Variants in NUP205 observed in about 807,000 individuals in gnomAD.
NUP205 encodes nuclear pore complex protein Nup205.
In NUP205, 76 loss-of-function variants were observed where a neutral mutation model predicts 253.8. The ratio of observed to expected loss-of-function variants is 0.30; its 90% confidence interval spans 0.25 to 0.36. The LOEUF is 0.36. Among genes scored for constraint, NUP205 ranks in the 10% least tolerant of loss-of-function variants. The pLI, the probability that NUP205 is intolerant of heterozygous loss-of-function variation, is 1.00. For synonymous variants in NUP205, 832 were observed against 850.1 expected (o/e 0.98, Z 0.37); for missense variants, 2,162 against 2,425.5 (o/e 0.89, Z 2.28).
intron 7 of NUP205, among the ~76,000 whole-genome samples, chr7:135,579,201 T>TC (rs1287079175): frequency 6.8e-6 from 1 of 147,290 alleles, no homozygotes; most frequent in Non-Finnish European, 1.5e-5. Context: ...ACATTAATTT[T>TC]TTTTTTTTTT....
Position 135,643,337 on chromosome 7 carries a change from TC to T in NUP205, c.5543del (p.Pro1848GlnfsTer4). ...GCAAGCTACAAAATGTAGAGCAGCT[TC>T]CCCCAGATGAGATAAAAGAGGTACG... ...VSKLQNVEQL[P>X]PDEIKELCQS... On this transcript the variant is annotated frameshift_variant, in exon 39 of 43. Transcript: ENST00000285968. LOFTEE classifies it high-confidence loss of function. 1.2e-6 allele frequency: 2 copies of T among 1,613,914 alleles called. No homozygotes were observed. The highest frequency in any genetic ancestry group is 1.7e-6 in the Non-Finnish European group (2 of 1,179,894).
Position 135,614,198 on chromosome 7 carries a change from C to T in NUP205, c.3235C>T (p.Pro1079Ser), listed in dbSNP as rs1794301991. The part of the protein sequence containing the change: ...QLCACSDTSG[P>S]TMRYLRTSQD... ...ATGTGCATGCTCTGATACATCTGGT[C>T]CTACTATGAGGTACTTGAGAACCAG... is the stretch of plus-strand genomic sequence containing the variant. The change falls in exon 23 of 43, where the codon CCT becomes TCT. Residue 1079 changes from proline to serine, a missense_variant. Transcript: ENST00000285968. 6.2e-7 allele frequency: 1 copy of T among 1,611,606 alleles called. No individual in the cohort carries two copies. Among genetic ancestry groups the T allele is most frequent in the African/African-American group, 1.3e-5 (1 of 74,846 alleles).
chr7:135,561,357 C>T (rs1805575540), intron 1 of NUP205, among the ~76,000 whole-genome samples: 1 of 152,024 alleles, frequency 6.6e-6, no homozygotes, highest in South Asian at 2.1e-4. Context: ...AACAAACAAA[C>T]AAAAAACAAA....
intron 11 of NUP205, among the ~76,000 whole-genome samples, chr7:135,592,758 A>C (rs1488964561): frequency 6.6e-6 from 1 of 152,132 alleles, no homozygotes; most frequent in Non-Finnish European, 1.5e-5. Context: ...GTTGTGGTGC[A>C]CGCCTGTAAT....
In NUP205 at chr7:135,646,150, A is replaced by C. The variant is rs746690811; in HGVS notation, c.5813-8A>C. On this transcript the variant is annotated splice_polypyrimidine_tract_variant and splice_region_variant and intron_variant, in intron 41 of 42. Transcript: ENST00000285968. The stretch of plus-strand genomic sequence containing the variant: ...ACAGCCGGTATGACTCTGTTTTTTT[A>C]TCTCTAGATTCCTTCGCCTCAGAAA... The C allele has an allele frequency of 2.5e-6, 4 of 1,606,272 alleles. No individual in the cohort carries two copies. The African/African-American group carries it at 4.0e-5, about 16-fold the overall frequency.
chr7:135,616,799 A>T (rs551840038), intron 25 of NUP205, 73 bp downstream of exon 25: 2 of 877,978 alleles, frequency 2.3e-6, no homozygotes, highest in Non-Finnish European at 3.3e-6. Flanking sequence ...TCAAGGGATT[A>T]TTATGCCTGT....
chr7:135,627,920 CGA>C (rs1306187817), intron 33 of NUP205, 51 bp from the exon 34 acceptor site: 9 of 1,589,010 alleles, frequency 5.7e-6, no homozygotes, highest in Non-Finnish European at 7.7e-6. Flanking sequence ...AAGGAATTGC[CGA>C]GAGTATACCT....
chr7:135,620,557 A>G (rs577316494), intron 30 of NUP205, among the ~76,000 whole-genome samples: 167 of 152,356 alleles, frequency 1.1e-3, no homozygotes, highest in African/African-American at 3.4e-3. Flanking sequence ...TTGTTATTCC[A>G]TGATATGGAT....
chr7:135,596,797 A>AC (rs1233107797), intron 13 of NUP205, among the ~76,000 whole-genome samples: 2 of 148,496 alleles, frequency 1.3e-5, no homozygotes, highest in Non-Finnish European at 3.0e-5. Flanking sequence ...TAAAAATACA[A>AC]AAAAAAAAAA....
intron 1 of NUP205, among the ~76,000 whole-genome samples, chr7:135,570,833 A>G (rs1563110259): frequency 9.9e-6 from 1 of 101,280 alleles, no homozygotes; most frequent in Non-Finnish European, 1.9e-5. Flanking sequence ...TATATAAATT[A>G]TATATTATAT....
intron 30 of NUP205, among the ~76,000 whole-genome samples, chr7:135,622,207 G>A (rs551244922): frequency 1.6e-4 from 24 of 151,724 alleles, no homozygotes; most frequent in African/African-American, 3.4e-4. Context: ...GGCAGATCAC[G>A]AGGTCAGGAG....
intron 11 of NUP205, among the ~76,000 whole-genome samples, chr7:135,592,523 T>C (rs753939841): frequency 1.0e-3 from 154 of 152,354 alleles, no homozygotes; most frequent in Non-Finnish European, 1.0e-3. Context: ...AGAGGGATTC[T>C]AACCCATTTT....
At chr7:135,561,213 A>AT (rs1397000364) in intron 1 of NUP205, among the ~76,000 whole-genome samples, 1 of 152,064 alleles carries the variant, frequency 6.6e-6, no homozygotes, top group African/African-American at 2.4e-5. Context: ...GCATGATGGC[A>AT]GGTGTCTGTA....
At chr7:135,621,717 TA>T (rs921362359) in intron 30 of NUP205, among the ~76,000 whole-genome samples, 1 of 151,978 alleles carries the variant, frequency 6.6e-6, no homozygotes, top group Non-Finnish European at 1.5e-5. Flanking sequence ...GTATTTCAAC[TA>T]AAAAAAAGAA....
chr7:135,613,175 T>A (rs1465286080), intron 22 of NUP205, among the ~76,000 whole-genome samples: 1 of 152,092 alleles, frequency 6.6e-6, no homozygotes, highest in African/African-American at 2.4e-5. Context: ...CAGATGGACA[T>A]TTTTTATTAT....
intron 22 of NUP205, among the ~76,000 whole-genome samples, chr7:135,609,433 G>A (rs1272586036): frequency 4.6e-5 from 7 of 151,312 alleles, no homozygotes; most frequent in East Asian, 3.9e-4. Context: ...AGCCGAGATC[G>A]CGCCACTGCA....
In NUP205 at chr7:135,630,086, T is replaced by A. The variant is rs137913654; in HGVS notation, c.4933-258T>A. 1.5e-3 allele frequency among the ~76,000 whole-genome samples: 221 copies of A among 152,330 alleles called. 2 individuals are homozygous for A. The highest frequency in any genetic ancestry group is 5.1e-3 in the African/African-American group (213 of 41,584). ...AGTAGTCTCCAAATGTATTAACTTA[T>A]AAGCTTTAAAATAATCCTTTAGTCT... On this transcript the variant is annotated intron_variant, in intron 34 of 42. Transcript: ENST00000285968.
At position 135,598,144 on chromosome 7, in the gene NUP205, G is replaced by T. The variant is rs764226368; in HGVS notation, c.2211G>T (p.Gln737His). 2.1e-5 allele frequency: 34 copies of T among 1,614,006 alleles called. No individual in the cohort carries two copies. In the East Asian group the frequency reaches 6.5e-4, roughly 31 times the overall value. The change falls in exon 15 of 43, where the codon CAG becomes CAT. Residue 737 changes from glutamine to histidine, a missense_variant. Physicochemically the swap from Gln to His is conservative, Grantham distance 24 (BLOSUM62 0). This residue lies in a region of NUP205 where 892 missense variants were observed against 957.1 expected (regional missense o/e 0.93). Transcript: ENST00000285968. Reference protein sequence around the residue: ...LRPPGFDPYLQFLRDSVFLRF... With the variant: ...LRPPGFDPYLHFLRDSVFLRF... ...CCCCTGGCTTTGACCCTTATTTGCA[G>T]TTCCTTAGAGACTCTGTGTTTCTAC...
At position 135,577,697 on chromosome 7, in the gene NUP205, GT is replaced by G. The variant is rs891150393; in HGVS notation, c.649-92del. ...TAGGATCACTTGTGGATTTTGATAG[GT>G]TTTTTTATTAGCCTTTGTAAAAGGT... On this transcript the variant is annotated intron_variant, in intron 5 of 42. Coordinates refer to ENST00000285968, the MANE Select transcript of NUP205 (RefSeq NM_015135.3). 8.0e-5 allele frequency: 68 copies of G among 854,378 alleles called. No homozygotes were observed. The Middle Eastern group carries it at 1.8e-3, about 22-fold the overall frequency. The allele number at this position is 854,378 out of a possible 1,614,324, so 52.9% of individuals were successfully genotyped here. A position where few individuals can be genotyped will look rare whatever the true frequency, so the allele number is the denominator to read the frequency against.
Sources: allele counts gnomAD v4.1 joint callset (sites outside exome capture counted in the v4.1 genomes callset), GRCh38; gene constraint gnomAD v4.1.1; regional missense constraint gnomAD v4.1.1; transcripts MANE v1.5; gene names NCBI Gene and HGNC (gene_info 2026-07-23, HGNC 2026-07-21).